ADARB2: variants seen among roughly 807,000 people sequenced by gnomAD.
ADARB2 encodes the protein inactive double-stranded RNA-specific editase B2.
A neutral mutation model predicts 62.2 loss-of-function variants in ADARB2; 25 were observed. The observed-to-expected ratio is 0.40, with a 90% CI of 0.29 to 0.56. The LOEUF (loss-of-function observed/expected upper bound fraction) is 0.56, where lower values mean the gene tolerates loss of function less well. Ranked by LOEUF, ADARB2 falls within the 20% of genes least tolerant of loss-of-function variation. ADARB2 has a pLI of 0.43. For missense variants in ADARB2, 1,071 were observed against 1,077.4 expected (o/e 0.99, Z 0.08); for synonymous variants, 572 against 500.8 (o/e 1.14, Z -1.90).
intron 1 of ADARB2, among the ~76,000 whole-genome samples, chr10:1,685,907 C>G (rs962325179): frequency 6.6e-6 from 1 of 152,158 alleles, no homozygotes; most frequent in Admixed American, 6.5e-5. Flanking sequence ...GCGGACGTGG[C>G]TGGGTGGCCT....
At chr10:1,368,828 C>T (rs12762476) in intron 2 of ADARB2, among the ~76,000 whole-genome samples, 1 of 41,078 alleles carries the variant, frequency 2.4e-5, no homozygotes, top group Non-Finnish European at 6.6e-5. Flanking sequence ...TGTGACAGTC[C>T]TGGGGCCGGG....
In ADARB2 at chr10:1,363,184, C is replaced by T. The variant is rs939438400; in HGVS notation, c.921G>A (p.Val307=). 2 of 1,522,062 alleles carry T rather than the reference C, an allele frequency of 1.3e-6. No individual in the cohort carries two copies. The highest frequency in any genetic ancestry group is 1.8e-6 in the Non-Finnish European group (2 of 1,142,124). 94.3% of individuals were successfully genotyped at this position (1,522,062 alleles called of 1,614,324 possible). The part of the protein sequence containing the change: ...EPAERRARSF[V]MAVSVDGRTF... ...TCCTGCCGTCCACGCTCACGGCCAT[C>T]ACGAAGCTCCGCGCGCGCCGCTCGG... Residue 307 remains valine, a synonymous_variant, in exon 3 of 10, where the codon GTG becomes GTA. Coordinates refer to ENST00000381312, the MANE Select transcript of ADARB2 (RefSeq NM_018702.4).
At chr10:1,271,223 C>G (rs2131799030) in intron 3 of ADARB2, among the ~76,000 whole-genome samples, 154 bp from the exon 4 acceptor site, 1 of 152,260 alleles carries the variant, frequency 6.6e-6, no homozygotes, top group Admixed American at 6.5e-5. Flanking sequence ...ACCACGTGAC[C>G]ACACACGGCC....
rs746278216 is a variant in ADARB2 at position 1,363,591 on chromosome 10, G to C, written c.514C>G (p.Pro172Ala). The change falls in exon 3 of 10, where the codon CCC becomes GCC. Residue 172 changes from proline to alanine, a missense_variant. Pro to Ala is a conservative substitution (Grantham distance 27). Transcript: ENST00000381312. ...CGCATCTTGGCCTTCTTCTTGGTGG[G>C]GCCTGTGCCCTCGAACGTGAGCCCG... ...VNGLTFEGTG[P>A]TKKKAKMRAA... The C allele has an allele frequency of 1.1e-5, 17 of 1,598,512 alleles. No individual in the cohort carries two copies. Among genetic ancestry groups the C allele is most frequent in the Non-Finnish European group, 1.4e-5 (16 of 1,172,850 alleles).
At chr10:1,355,286 C>G (rs747343449) in intron 3 of ADARB2, among the ~76,000 whole-genome samples, 3 of 152,212 alleles carry the variant, frequency 2.0e-5, no homozygotes, top group Non-Finnish European at 2.9e-5. Context: ...CAGCCTAAAG[C>G]CCTTGGGGGC....
chr10:1,734,878 T>C (rs1456151594), intron 1 of ADARB2, among the ~76,000 whole-genome samples: 4 of 152,238 alleles, frequency 2.6e-5, no homozygotes, highest in Non-Finnish European at 5.9e-5. Context: ...TAATTTAAAC[T>C]CACCATTGTT....
Position 1,200,001 on chromosome 10 carries a change from G to A in ADARB2, c.1829C>T (p.Pro610Leu). 6.3e-7 allele frequency: 1 copy of A among 1,576,156 alleles called. No homozygotes were observed. Among genetic ancestry groups the A allele is most frequent in the East Asian group, 2.3e-5 (1 of 44,154 alleles). ...SHRMEGVGQL[P>L]ASYRHNRPLL... ...AGGCCGGTTGTGCCGGTAGGAGGCGGGCAGCTGGCCGACACCCTCCATGCG... is the reference window on the plus strand; with the variant it reads ...AGGCCGGTTGTGCCGGTAGGAGGCGAGCAGCTGGCCGACACCCTCCATGCG... Residue 610 changes from proline (P) to leucine (L), a missense_variant, in exon 8 of 10, where the codon CCC (proline) becomes CTC (leucine). Transcript: ENST00000381312.
rs145358103 is a variant in ADARB2 at position 1,386,700 on chromosome 10, T to G, written c.101-7540A>C. Among the ~76,000 whole-genome samples the G allele has an allele frequency of 2.0e-5, 3 of 152,026 alleles. No homozygotes were observed. The East Asian group carries it at 5.8e-4, about 29-fold the overall frequency. ...TGAAGGAGGGTAGAAACATACATAA[T>G]GCTAGTTTGAGATTTTAACATTCCT... On this transcript the variant is annotated intron_variant, in intron 1 of 9. Transcript: ENST00000381312.
intron 1 of ADARB2, among the ~76,000 whole-genome samples, chr10:1,587,912 G>A (rs897945551): frequency 2.6e-5 from 4 of 152,172 alleles, no homozygotes; most frequent in Admixed American, 6.5e-5. Flanking sequence ...CATGTAAGAT[G>A]TGCCTTTCAT....
At chr10:1,597,707 G>C (rs1030216294) in intron 1 of ADARB2, among the ~76,000 whole-genome samples, 1 of 152,214 alleles carries the variant, frequency 6.6e-6, no homozygotes, top group Non-Finnish European at 1.5e-5. Flanking sequence ...ATTGAAAACA[G>C]CTTGGAGATT....
chr10:1,561,609 G>A (rs191073494), intron 1 of ADARB2, among the ~76,000 whole-genome samples: 8 of 152,204 alleles, frequency 5.3e-5, no homozygotes, highest in African/African-American at 1.7e-4. Context: ...GGGAGTTGCC[G>A]GAACCTGCCA....
At chr10:1,554,010 C>T (rs1832665906) in intron 1 of ADARB2, among the ~76,000 whole-genome samples, 1 of 152,220 alleles carries the variant, frequency 6.6e-6, no homozygotes, top group Non-Finnish European at 1.5e-5. Context: ...GGAACCTGCC[C>T]CCAGCGCTCA....
chr10:1,421,654 A>T (rs1054136105), intron 1 of ADARB2, among the ~76,000 whole-genome samples: 1 of 152,170 alleles, frequency 6.6e-6, no homozygotes, highest in Non-Finnish European at 1.5e-5. Flanking sequence ...CGATGCTCAG[A>T]TGGGGCTGCT....
At chr10:1,235,214 G>A (rs1830854148) in intron 5 of ADARB2, among the ~76,000 whole-genome samples, 1 of 144,748 alleles carries the variant, frequency 6.9e-6, no homozygotes, top group Non-Finnish European at 1.5e-5. Flanking sequence ...TGATTAAAAG[G>A]AGGAAAAGAG....
intron 1 of ADARB2, among the ~76,000 whole-genome samples, chr10:1,446,977 C>T (rs1419244079): frequency 1.3e-5 from 2 of 152,130 alleles, no homozygotes; most frequent in Non-Finnish European, 2.9e-5. Flanking sequence ...AAGCTCATGA[C>T]TTCATTTAGG....
At chr10:1,438,798 A>T (rs561364014) in intron 1 of ADARB2, among the ~76,000 whole-genome samples, 4 of 142,102 alleles carry the variant, frequency 2.8e-5, no homozygotes, top group Admixed American at 2.8e-4. Flanking sequence ...GCCCTTCATG[A>T]TGGGGCTCCT....
Position 1,646,163 on chromosome 10 carries a change from ATTAG to A in ADARB2, c.100+90884_100+90887del, listed in dbSNP as rs764668034. On this transcript the variant is annotated intron_variant, in intron 1 of 9. Transcript: ENST00000381312. ...AGCTTAAAACCCCTGAGGGATTTCCATTAGGACACACCCAGGTCTATCCACATGG... is the reference window on the plus strand; with the variant it reads ...AGCTTAAAACCCCTGAGGGATTTCCAGACACACCCAGGTCTATCCACATGG... 9.6e-3 allele frequency among the ~76,000 whole-genome samples: 1,455 copies of A among 152,302 alleles called. 6 individuals are homozygous for A. The highest frequency in any genetic ancestry group is 0.037 in the Middle Eastern group (11 of 294).
rs1270295348 is a variant in ADARB2, at chr10:1,179,689, TGAG to T, written c.*3501_*3503del. Reference sequence around the variant, plus strand: ...GCAGATAAAGGTGGTGCTGGTTTTATGAGGACTTTTGTAGGGGCCTAAGCAGGC... The same window carrying T: ...GCAGATAAAGGTGGTGCTGGTTTTATGACTTTTGTAGGGGCCTAAGCAGGC... On this transcript the variant is annotated 3_prime_UTR_variant, in exon 10 of 10. Transcript: ENST00000381312. 1 of 152,272 alleles carries T rather than the reference TGAG, an allele frequency of 6.6e-6. No homozygotes were observed. Among genetic ancestry groups the T allele is most frequent in the Non-Finnish European group, 1.5e-5 (1 of 68,054 alleles). The allele number at this position is 152,272 out of a possible 1,614,324, so 9.4% of individuals were successfully genotyped here. A position where few individuals can be genotyped will look rare whatever the true frequency, so the allele number is the denominator to read the frequency against.
chr10:1,572,862 C>T (rs1050844108), intron 1 of ADARB2, among the ~76,000 whole-genome samples: 1 of 152,226 alleles, frequency 6.6e-6, no homozygotes, highest in African/African-American at 2.4e-5. Context: ...GCTCCTAGTG[C>T]TCTTCTGCAC....
Sources: gnomAD v4.1 joint callset for allele counts (sites outside exome capture counted in the v4.1 genomes callset) on GRCh38, gnomAD v4.1.1 for gene constraint, MANE v1.5 for transcripts, NCBI Gene and HGNC (gene_info 2026-07-23, HGNC 2026-07-21) for gene names.